The following CCZ1B variants were observed in gnomAD, a reference collection of about 807,000 sequenced individuals.
CCZ1B encodes vacuolar fusion protein CCZ1 homolog B.
A neutral mutation model predicts 58.8 loss-of-function variants in CCZ1B; 25 were observed. The observed-to-expected ratio is 0.43, with a 90% CI of 0.31 to 0.59. The LOEUF is 0.59. Ranked by LOEUF, CCZ1B falls within the 20% of genes least tolerant of loss-of-function variation. CCZ1B has a pLI of 0.12. For missense variants in CCZ1B, 180 were observed against 501.5 expected, an observed-to-expected ratio of 0.36 and a Z score of 6.12; for synonymous variants, 66 against 173.2, an observed-to-expected ratio of 0.38 and a Z score of 4.86.
intron 7 of CCZ1B, among the ~76,000 whole-genome samples, chr7:6,817,582 C>CAGA: frequency 6.7e-6 from 1 of 149,868 alleles, no homozygotes; most frequent in Non-Finnish European, 1.5e-5. Context: ...CCTGATGCTA[C>CAGA]AGAAGCACAA....
At chr7:6,813,919 G>T (rs1782957619) in intron 8 of CCZ1B, among the ~76,000 whole-genome samples, 1 of 149,110 alleles carries the variant, frequency 6.7e-6, no homozygotes, top group East Asian at 1.9e-4. Flanking sequence ...GCTGACGCAG[G>T]TCAATCACCT....
rs57713811 is a variant in CCZ1B at position 6,814,165 on chromosome 7, T to TA, written c.780+598dup. ...CTGTCCCAATAAATAAATAAATAAA[T>TA]AAATAAAATAAAATACATAAATTAA... On this transcript the variant is annotated intron_variant, in intron 8 of 14. Transcript: ENST00000316731. Among the ~76,000 whole-genome samples the TA allele has an allele frequency of 5.4e-3, 755 of 139,346 alleles. 23 individuals carry two copies. The highest frequency in any genetic ancestry group is 6.8e-3 in the Non-Finnish European group (424 of 62,556). The allele number at this position is 139,346 out of a possible 152,430, so 91.4% of individuals were successfully genotyped here.
intron 6 of CCZ1B, among the ~76,000 whole-genome samples, chr7:6,821,087 C>T (rs911555017): frequency 1.4e-5 from 2 of 146,884 alleles, no homozygotes; most frequent in Non-Finnish European, 1.5e-5. Context: ...CGGCTCACTG[C>T]AACCTCTGCC....
intron 14 of CCZ1B, among the ~76,000 whole-genome samples, chr7:6,800,274 T>C (rs1254898551): frequency 7.1e-6 from 1 of 140,520 alleles, no homozygotes; most frequent in African/African-American, 2.7e-5. Context: ...TCTGCCTCCT[T>C]CTGCCTGTGT....
intron 7 of CCZ1B, among the ~76,000 whole-genome samples, chr7:6,816,898 C>CT (rs1219244231): frequency 2.7e-5 from 4 of 146,828 alleles, no homozygotes; most frequent in African/African-American, 7.8e-5. Flanking sequence ...AGTTGGGACT[C>CT]TAAGTGCACA....
chr7:6,809,304 G>T (rs546765662), intron 10 of CCZ1B, among the ~76,000 whole-genome samples: 4 of 108,856 alleles, frequency 3.7e-5, no homozygotes, highest in Non-Finnish European at 5.4e-5. Context: ...AGAAATCACT[G>T]AACTGTACAT....
At chr7:6,812,334 C>A (rs1225401998) in intron 9 of CCZ1B, 2 of 403,280 alleles carry the variant, frequency 5.0e-6, no homozygotes, top group Admixed American at 8.0e-5. Context: ...ACTAAAACTA[C>A]AAAAATTAGC....
intron 6 of CCZ1B, among the ~76,000 whole-genome samples, chr7:6,820,836 A>G (rs1340164482): frequency 1.4e-5 from 2 of 145,968 alleles, no homozygotes; most frequent in Non-Finnish European, 3.0e-5. Flanking sequence ...AATCACTTGA[A>G]CTTGGGAGAC....
intron 10 of CCZ1B, chr7:6,811,696 G>A (rs1204763943): frequency 2.7e-6 from 1 of 364,214 alleles, no homozygotes; most frequent in East Asian, 5.2e-5. Flanking sequence ...TTTGGTTTGA[G>A]AGCACGTGAG....
chr7:6,816,696 A>G (rs970486363), intron 7 of CCZ1B, among the ~76,000 whole-genome samples: 3 of 150,446 alleles, frequency 2.0e-5, no homozygotes, highest in African/African-American at 7.5e-5. Context: ...CGCCTGGCTT[A>G]AAAGTCTTTT....
intron 10 of CCZ1B, among the ~76,000 whole-genome samples, chr7:6,809,765 T>A (rs1782890459): frequency 1.4e-5 from 2 of 141,564 alleles, no homozygotes; most frequent in African/African-American, 5.5e-5. Context: ...CTTGGCGGCT[T>A]GAACCCTAGA....
At chr7:6,820,729 C>G (rs62442262) in intron 6 of CCZ1B, among the ~76,000 whole-genome samples, 25,074 of 145,758 alleles carry the variant, frequency 0.17, 2,753 homozygotes, top group South Asian at 0.34. Context: ...TGAGACCAGC[C>G]TCGCCAACAT....
At chr7:6,818,727 G>T (rs4724853) in intron 7 of CCZ1B, among the ~76,000 whole-genome samples, 9,702 of 140,004 alleles carry the variant, frequency 0.069, 424 homozygotes, top group East Asian at 0.25. Flanking sequence ...AAGAAAGAAA[G>T]AAAGAAAGAA....
At chr7:6,810,783 G>A (rs553272093) in intron 10 of CCZ1B, among the ~76,000 whole-genome samples, 2 of 149,348 alleles carry the variant, frequency 1.3e-5, no homozygotes, top group South Asian at 4.2e-4. Context: ...CTAATTAGTG[G>A]ATACTAATTT....
rs559608552 is a variant in CCZ1B at position 6,808,117 on chromosome 7, C to T, written c.955-2080G>A. Among the ~76,000 whole-genome samples, 326 of 120,174 alleles carry T rather than the reference C, an allele frequency of 2.7e-3. 5 individuals are homozygous for T. Among genetic ancestry groups the T allele is most frequent in the African/African-American group, 8.9e-3 (315 of 35,346 alleles). 78.8% of individuals were successfully genotyped at this position (120,174 alleles called of 152,430 possible). On this transcript the variant is annotated intron_variant, in intron 10 of 14. Transcript: ENST00000316731. The stretch of plus-strand genomic sequence containing the variant: ...AAACTACAGGCCAATATCCCTTACA[C>T]CCAAGCCCGCACAGCACCCGCTCCA...
rs62441800 is a variant in CCZ1B at position 6,804,943 on chromosome 7, C to T, written c.1101G>A (p.Met367Ile). ...ICEQFNINKRMSGSEKEPQFK... is the reference protein window; with the variant it reads ...ICEQFNINKRISGSEKEPQFK... ...ACCGAAAGCAAAGTACAAACCCAGA[C>T]ATCCTCTTGTTGATGTTAAACTGTT... is the stretch of plus-strand genomic sequence containing the variant. The change falls in exon 12 of 15, where the codon ATG (methionine) becomes ATA (isoleucine). Residue 367 changes from methionine (M) to isoleucine (I), a missense_variant. Transcript: ENST00000316731. The T allele has an allele frequency of 2.1e-6, 3 of 1,406,470 alleles. No individual in the cohort carries two copies. The highest frequency in any genetic ancestry group is 2.8e-6 in the Non-Finnish European group (3 of 1,061,334). The allele number at this position is 1,406,470 out of a possible 1,614,324, so 87.1% of individuals were successfully genotyped here.
chr7:6,813,145 T>G (rs1404380089), intron 8 of CCZ1B, 108 bp from the exon 9 acceptor site: 3 of 1,308,324 alleles, frequency 2.3e-6, no homozygotes, highest in Non-Finnish European at 3.2e-6. Context: ...TTTGTCTTTT[T>G]CTTTTAGAGA....
intron 12 of CCZ1B, among the ~76,000 whole-genome samples, chr7:6,801,954 C>T (rs1475403805): frequency 8.6e-6 from 1 of 116,388 alleles, no homozygotes; most frequent in African/African-American, 3.1e-5. Context: ...TGCTTTCCCA[C>T]CAAAATGATA....
chr7:6,803,798 C>G (rs1357337001), intron 12 of CCZ1B, among the ~76,000 whole-genome samples: 14 of 151,194 alleles, frequency 9.3e-5, no homozygotes, highest in Non-Finnish European at 1.3e-4. Context: ...CCAGTCTCTA[C>G]AAAAATACAA....
Sources: gnomAD v4.1 joint callset for allele counts (sites outside exome capture counted in the v4.1 genomes callset) on GRCh38, gnomAD v4.1.1 for gene constraint, MANE v1.5 for transcripts, NCBI Gene and HGNC (gene_info 2026-07-23, HGNC 2026-07-21) for gene names.